The following SLC28A3 variants were observed in gnomAD, a reference collection of about 807,000 sequenced individuals.
The protein encoded by SLC28A3 is concentrative Na(+)-nucleoside cotransporter 3.
In SLC28A3, 68 loss-of-function variants were observed where a neutral mutation model predicts 84.2. The ratio of observed to expected loss-of-function variants is 0.81; its 90% CI spans 0.66 to 0.99. SLC28A3 has a LOEUF of 0.99. Among genes scored for constraint, SLC28A3 ranks in the 50% least tolerant of loss-of-function variants. SLC28A3 has a pLI of 0.00. For missense variants in SLC28A3, 712 were observed against 841.5 expected (o/e 0.85, Z 1.90); for synonymous variants, 267 against 303.6 (o/e 0.88, Z 1.25).
the SLC28A3 span, among the ~76,000 whole-genome samples, chr9:84,360,104 G>A: frequency 1.3e-5 from 2 of 152,026 alleles, no homozygotes; most frequent in African/African-American, 4.8e-5. Context: ...AACCTGTAAG[G>A]CTTTGTGGCC....
chr9:84,284,969 C>G (rs4877831), intron 14 of SLC28A3, among the ~76,000 whole-genome samples: 54,298 of 152,054 alleles, frequency 0.36, 12,605 homozygotes, highest in African/African-American at 0.64. Flanking sequence ...GACTATGAGG[C>G]CAGGGGCCCC....
intron 2 of SLC28A3, among the ~76,000 whole-genome samples, chr9:84,311,947 C>T (rs1251810082): frequency 1.3e-5 from 2 of 152,232 alleles, no homozygotes; most frequent in Non-Finnish European, 2.9e-5. Context: ...TTTGCATTTT[C>T]CAGAATGTCG....
chr9:84,361,751 A>G, the SLC28A3 span, among the ~76,000 whole-genome samples: 1 of 152,012 alleles, frequency 6.6e-6, no homozygotes, highest in African/African-American at 2.4e-5. Context: ...AGCTGTGGAA[A>G]AAAAAAAAAT....
At chr9:84,340,552 A>G (rs747889615) in intron 1 of SLC28A3, 22 bp downstream of exon 1, 5 of 1,614,056 alleles carry the variant, frequency 3.1e-6, no homozygotes, top group Non-Finnish European at 4.2e-6. Context: ...GGCCTTTAAC[A>G]TAAGAGGAAA....
rs747194438 is a variant in SLC28A3, at chr9:84,286,076, C to T, written c.1316G>A (p.Gly439Glu). The T allele has an allele frequency of 4.2e-5, 67 of 1,613,860 alleles. No individual in the cohort carries two copies. The highest frequency in any genetic ancestry group is 5.4e-5 in the Non-Finnish European group (64 of 1,179,952). ...CACCAGGGAGATGGAGGAGGATGCT[C>T]CCTGTGTTGCAGCTTCTAGAAGATT... ...SGNLLEAATQGASSSISLVAN... is the reference protein window; with the variant it reads ...SGNLLEAATQEASSSISLVAN... The change falls in exon 13 of 18, where the codon GGA (glycine) becomes GAA (glutamate). Residue 439 changes from glycine to glutamate, a missense_variant. Gly to Glu is a moderately conservative substitution (Grantham distance 98). Coordinates refer to ENST00000376238, the MANE Select transcript of SLC28A3 (RefSeq NM_001199633.2).
intron 4 of SLC28A3, among the ~76,000 whole-genome samples, chr9:84,303,738 T>C: frequency 6.6e-6 from 1 of 152,206 alleles, no homozygotes; most frequent in East Asian, 1.9e-4. Context: ...AGGGTTTTTG[T>C]GTTCTTTGCT....
At chr9:84,323,569 C>T (rs578188410) in intron 1 of SLC28A3, among the ~76,000 whole-genome samples, 5 of 152,044 alleles carry the variant, frequency 3.3e-5, no homozygotes, top group African/African-American at 9.6e-5. Flanking sequence ...GGAGTACAGG[C>T]GTGTGCCACT....
intron 2 of SLC28A3, among the ~76,000 whole-genome samples, chr9:84,311,587 C>T (rs928518131): frequency 1.3e-5 from 2 of 152,136 alleles, no homozygotes; most frequent in Admixed American, 1.3e-4. Flanking sequence ...CGTGGTCACT[C>T]ATGCCTGTAA....
the SLC28A3 span, among the ~76,000 whole-genome samples, chr9:84,357,637 G>A: frequency 6.6e-6 from 1 of 152,030 alleles, no homozygotes; most frequent in African/African-American, 2.4e-5. Context: ...GCAAGAGATG[G>A]GGTGAGCCCC....
Position 84,309,523 on chromosome 9 carries a change from CAAAAAAA to C in SLC28A3, c.242+99_242+105del, listed in dbSNP as rs71366931. 2,124 of 239,106 alleles carry C rather than the reference CAAAAAAA, an allele frequency of 8.9e-3. 23 individuals are homozygous for C. The highest frequency in any genetic ancestry group is 0.064 in the African/African-American group (1,184 of 18,474). 14.8% of individuals were successfully genotyped at this position (239,106 alleles called of 1,614,324 possible). ...GGGTGACAAAGTGAGACTCTTATCT[CAAAAAAA>C]AAAAAAAAAAAAAAAAAAGAAATCA... is the stretch of plus-strand genomic sequence containing the variant. On this transcript the variant is annotated intron_variant, in intron 3 of 17. Transcript: ENST00000376238.
rs1231734276 is a variant in SLC28A3 at position 84,275,630 on chromosome 9, A to G, written c.*2588T>C. ...ACTAAAGAGGAATAAAAACATCACC[A>G]TGCACCAAAAACCTCCATTAGGTTG... On this transcript the variant is annotated 3_prime_UTR_variant, in exon 18 of 18. Transcript: ENST00000376238. 6.6e-6 allele frequency: 1 copy of G among 152,240 alleles called. No homozygotes were observed. Among genetic ancestry groups the G allele is most frequent in the Non-Finnish European group, 1.5e-5 (1 of 68,050 alleles). 9.4% of individuals were successfully genotyped at this position (152,240 alleles called of 1,614,324 possible).
At position 84,309,659 on chromosome 9, in the gene SLC28A3, TC is replaced by T; in HGVS notation, c.211del (p.Glu71ArgfsTer40). Reference protein sequence around the residue: ...QDSPRNREHMEDDDEEMQQKG... With the variant: ...QDSPRNREHMXDDDEEMQQKG... ...TTGTTGCATCTCCTCATCATCATCC[TC>T]CATGTGTTCTCTGTTTCTTGGAGAA... On this transcript the variant is annotated frameshift_variant, in exon 3 of 18. Transcript: ENST00000376238. LOFTEE classifies it high-confidence loss of function. 2 of 1,610,416 alleles carry T rather than the reference TC, an allele frequency of 1.2e-6. No homozygotes were observed. The highest frequency in any genetic ancestry group is 1.7e-6 in the Non-Finnish European group (2 of 1,177,824).
the SLC28A3 span, among the ~76,000 whole-genome samples, chr9:84,360,726 T>G: frequency 2.0e-5 from 3 of 151,240 alleles, no homozygotes; most frequent in Non-Finnish European, 4.4e-5. Context: ...GAGACCAGTC[T>G]GGGCAACATA....
intron 1 of SLC28A3, among the ~76,000 whole-genome samples, chr9:84,338,378 A>C (rs1827052163): frequency 1.3e-5 from 2 of 152,238 alleles, no homozygotes; most frequent in Non-Finnish European, 2.9e-5. Flanking sequence ...GGTAAGACTC[A>C]TACTTATTAA....
intron 1 of SLC28A3, among the ~76,000 whole-genome samples, chr9:84,337,519 T>C (rs898811566): frequency 1.3e-5 from 2 of 152,140 alleles, no homozygotes; most frequent in African/African-American, 4.8e-5. Context: ...TTTCAGGCAG[T>C]TATTTTTCCT....
At chr9:84,312,305 C>CTA (rs1187310799) in intron 2 of SLC28A3, among the ~76,000 whole-genome samples, 1 of 152,122 alleles carries the variant, frequency 6.6e-6, no homozygotes, top group Non-Finnish European at 1.5e-5. Context: ...AAACACTGTA[C>CTA]TATGCATGGT....
At chr9:84,281,895 G>T (rs189420956) in intron 14 of SLC28A3, among the ~76,000 whole-genome samples, 1 of 152,216 alleles carries the variant, frequency 6.6e-6, no homozygotes, top group Non-Finnish European at 1.5e-5. Flanking sequence ...GGAGGCCGAG[G>T]CGGGTAGATC....
chr9:84,326,400 C>A (rs1203212054), intron 1 of SLC28A3, among the ~76,000 whole-genome samples: 2 of 152,004 alleles, frequency 1.3e-5, no homozygotes, highest in African/African-American at 2.4e-5. Context: ...AAACAAAAAA[C>A]AAAACAAAAC....
the SLC28A3 span, among the ~76,000 whole-genome samples, chr9:84,365,707 A>G: frequency 1.3e-5 from 2 of 152,154 alleles, no homozygotes; most frequent in Non-Finnish European, 2.9e-5. Flanking sequence ...GCATATGGAT[A>G]TCCAGTTTTT....
Sources: allele counts gnomAD v4.1 joint callset (sites outside exome capture counted in the v4.1 genomes callset), GRCh38; gene constraint gnomAD v4.1.1; transcripts MANE v1.5; gene names NCBI Gene and HGNC (gene_info 2026-07-23, HGNC 2026-07-21).